Variants in PPM1G observed in about 807,000 individuals in gnomAD.
The protein encoded by PPM1G is protein phosphatase 1G.
PPM1G carries 12 observed loss-of-function variants against 59.4 expected under a neutral mutation model. The observed-to-expected ratio is 0.20, with a 90% CI of 0.13 to 0.33. PPM1G has a LOEUF of 0.33. PPM1G is among the 10% of genes least tolerant of loss of function. The pLI is 1.00. For synonymous variants in PPM1G, 245 were observed against 251.9 expected (o/e 0.97, Z 0.26); for missense variants, 392 against 681.3 (o/e 0.58, Z 4.73).
intron 2 of PPM1G, 193 bp from the exon 3 acceptor site, chr2:27,386,472 C>T (rs1167472002): frequency 2.0e-5 from 9 of 449,738 alleles, no homozygotes; most frequent in Non-Finnish European, 8.1e-6. Flanking sequence ...CATCAATTCT[C>T]TCGGGTATAA....
chr2:27,389,609 T>C (rs1683849035), intron 1 of PPM1G, among the ~76,000 whole-genome samples: 1 of 152,126 alleles, frequency 6.6e-6, no homozygotes, highest in Non-Finnish European at 1.5e-5. Context: ...CACCCAACCT[T>C]GTATAACCCC....
chr2:27,385,667 T>C lies in PPM1G; in HGVS notation c.409+80A>G. 3.3e-6 allele frequency: 5 copies of C among 1,532,282 alleles called. No homozygotes were observed. Among genetic ancestry groups the C allele is most frequent in the Non-Finnish European group, 4.4e-6 (5 of 1,141,786 alleles). 94.9% of individuals were successfully genotyped at this position (1,532,282 alleles called of 1,614,324 possible). A position where few individuals can be genotyped will look rare whatever the true frequency, so the allele number is the denominator to read the frequency against. ...TCCCCAGGTCCCTAGAAAGCCATCC[T>C]ATCTTAGAATTGATAAGTAATATTA... On this transcript the variant is annotated intron_variant, in intron 4 of 9. Coordinates refer to ENST00000344034, the MANE Select transcript of PPM1G (RefSeq NM_177983.3). The surrounding 1 kb of genome is among the most constrained non-coding windows in gnomAD (Gnocchi z 4.1).
intron 1 of PPM1G, among the ~76,000 whole-genome samples, chr2:27,389,904 G>A (rs1345951648): frequency 6.6e-6 from 1 of 152,178 alleles, no homozygotes; most frequent in African/African-American, 2.4e-5. Flanking sequence ...AGGAGGTGGA[G>A]GCTGCAGAAA....
At chr2:27,403,634 C>A (rs868264549) in intron 1 of PPM1G, among the ~76,000 whole-genome samples, 4 of 150,226 alleles carry the variant, frequency 2.7e-5, no homozygotes, top group Admixed American at 6.6e-5. Flanking sequence ...CGTCTGTAAT[C>A]CCAGCACTTT....
rs1558321992 is a variant in PPM1G at position 27,402,842 on chromosome 2, AAATAAATAAAT to A, written c.120+6450_120+6460del. Among the ~76,000 whole-genome samples the A allele has an allele frequency of 1.4e-3, 200 of 143,266 alleles. 3 individuals carry two copies. Among genetic ancestry groups the A allele is most frequent in the African/African-American group, 4.7e-3 (176 of 37,138 alleles). The allele number at this position is 143,266 out of a possible 152,430, so 94.0% of individuals were successfully genotyped here. A position where few individuals can be genotyped will look rare whatever the true frequency, so the allele number is the denominator to read the frequency against. On this transcript the variant is annotated intron_variant, in intron 1 of 9. Coordinates refer to ENST00000344034, the MANE Select transcript of PPM1G (RefSeq NM_177983.3). ...TAAATAAATAAATAAATAAATAAATAAATAAATAAATAAAATAAACATAAATAAAATTCCTC... is the reference window on the plus strand; with the variant it reads ...TAAATAAATAAATAAATAAATAAATAAAAATAAACATAAATAAAATTCCTC...
intron 1 of PPM1G, among the ~76,000 whole-genome samples, chr2:27,398,143 T>A (rs1288261697): frequency 6.6e-6 from 1 of 152,220 alleles, no homozygotes; most frequent in Non-Finnish European, 1.5e-5. Context: ...GATAGTGTAT[T>A]ACTGGCATAG....
chr2:27,402,320 C>A (rs1220080117), intron 1 of PPM1G, among the ~76,000 whole-genome samples: 2 of 152,136 alleles, frequency 1.3e-5, no homozygotes, highest in African/African-American at 2.4e-5. Flanking sequence ...CAAATTCAAG[C>A]CCTTACCTCT....
intron 1 of PPM1G, among the ~76,000 whole-genome samples, chr2:27,388,481 C>T (rs886528318): frequency 5.3e-5 from 8 of 152,028 alleles, no homozygotes; most frequent in East Asian, 1.9e-4. Flanking sequence ...ACAAATGGTA[C>T]GTAACTCCAG....
At chr2:27,408,283 C>G (rs2148429995) in intron 1 of PPM1G, among the ~76,000 whole-genome samples, 1 of 152,244 alleles carries the variant, frequency 6.6e-6, no homozygotes, top group East Asian at 1.9e-4. Flanking sequence ...TGAAGCCCAC[C>G]CGGTAGGTGG....
chr2:27,386,357 C>T lies in PPM1G; in HGVS notation c.191-78G>A, dbSNP rs1339425227. The stretch of plus-strand genomic sequence containing the variant: ...AGTGATACAATATTTATATGCCATA[C>T]TGGAGTGAACCCCAAGGGTTGAGGG... On this transcript the variant is annotated intron_variant, in intron 2 of 9. Coordinates refer to ENST00000344034, the MANE Select transcript of PPM1G (RefSeq NM_177983.3). The T allele has an allele frequency of 6.7e-6, 7 of 1,041,384 alleles. No individual in the cohort carries two copies. The African/African-American group carries it at 9.4e-5, about 14-fold the overall frequency. 64.5% of individuals were successfully genotyped at this position (1,041,384 alleles called of 1,614,324 possible). A position where few individuals can be genotyped will look rare whatever the true frequency, so the allele number is the denominator to read the frequency against.
chr2:27,394,052 G>A (rs914536145), intron 1 of PPM1G, among the ~76,000 whole-genome samples: 2 of 151,856 alleles, frequency 1.3e-5, no homozygotes, highest in Admixed American at 6.6e-5. Flanking sequence ...ATGAGCCACC[G>A]CGCCCGGCCT....
At chr2:27,402,662 A>G (rs889027446) in intron 1 of PPM1G, among the ~76,000 whole-genome samples, 4 of 151,972 alleles carry the variant, frequency 2.6e-5, no homozygotes, top group African/African-American at 9.7e-5. Context: ...ACAAAAAATT[A>G]GCCAGGCGTG....
At chr2:27,387,690 G>A (rs1683802866) in intron 1 of PPM1G, among the ~76,000 whole-genome samples, 1 of 152,092 alleles carries the variant, frequency 6.6e-6, no homozygotes, top group Admixed American at 6.6e-5. Context: ...TAGTAGAGAT[G>A]GGGTTTCACC....
At chr2:27,402,242 CTA>C (rs1684194969) in intron 1 of PPM1G, among the ~76,000 whole-genome samples, 1 of 152,142 alleles carries the variant, frequency 6.6e-6, no homozygotes, top group African/African-American at 2.4e-5. Flanking sequence ...AAGCTCAGTT[CTA>C]AAGATTTGTT....
rs183522787 is a variant in PPM1G, at chr2:27,391,740, T to C, written c.121-4582A>G. On this transcript the variant is annotated intron_variant, in intron 1 of 9. Coordinates refer to ENST00000344034, the MANE Select transcript of PPM1G (RefSeq NM_177983.3). Reference sequence around the variant, plus strand: ...CAGGATGTTCTTTTTTTCTTTCTTTTTTTTTTTTTTGAGACAGAGTCTAGC... The same window carrying C: ...CAGGATGTTCTTTTTTTCTTTCTTTCTTTTTTTTTTGAGACAGAGTCTAGC... Among the ~76,000 whole-genome samples the C allele has an allele frequency of 6.6e-4, 100 of 151,482 alleles. 2 individuals are homozygous for C. In the East Asian group the frequency reaches 0.018, roughly 28 times the overall value.
chr2:27,395,233 C>CAAAAAAA (rs775943242), intron 1 of PPM1G, among the ~76,000 whole-genome samples: 1 of 89,570 alleles, frequency 1.1e-5, no homozygotes, highest in Admixed American at 1.2e-4. Context: ...GACTCTGTCT[C>CAAAAAAA]AAAAAAAAAA....
intron 1 of PPM1G, among the ~76,000 whole-genome samples, chr2:27,390,772 T>G (rs767185760): frequency 9.9e-5 from 15 of 152,134 alleles, no homozygotes; most frequent in Non-Finnish European, 1.9e-4. Flanking sequence ...CTGGGTATAG[T>G]ATCAAATAGG....
rs1683762378 is a variant in PPM1G, at chr2:27,386,361, A to C, written c.191-82T>G. 2.9e-6 allele frequency: 3 copies of C among 1,018,588 alleles called. 1 individual carries two copies. Among genetic ancestry groups the C allele is most frequent in the South Asian group, 1.3e-5 (1 of 76,816 alleles). 63.1% of individuals were successfully genotyped at this position (1,018,588 alleles called of 1,614,324 possible). Reference sequence around the variant, plus strand: ...ATACAATATTTATATGCCATACTGGAGTGAACCCCAAGGGTTGAGGGGATA... The same window carrying C: ...ATACAATATTTATATGCCATACTGGCGTGAACCCCAAGGGTTGAGGGGATA... On this transcript the variant is annotated intron_variant, in intron 2 of 9. Transcript: ENST00000344034.
Position 27,409,460 on chromosome 2 carries a change from T to C in PPM1G, c.-38A>G. The stretch of plus-strand genomic sequence containing the variant: ...CCGGCGGCCTCAGGTGCAGGAAAGC[T>C]GGGCGCGACCCGTGCCGGAGCCGAA... On this transcript the variant is annotated 5_prime_UTR_variant, in exon 1 of 10. Coordinates refer to ENST00000344034, the MANE Select transcript of PPM1G (RefSeq NM_177983.3). The C allele has an allele frequency of 4.8e-6, 7 of 1,470,182 alleles. No homozygotes were observed. Among genetic ancestry groups the C allele is most frequent in the Non-Finnish European group, 6.3e-6 (7 of 1,112,600 alleles). The allele number at this position is 1,470,182 out of a possible 1,614,324, so 91.1% of individuals were successfully genotyped here. A position where few individuals can be genotyped will look rare whatever the true frequency, so the allele number is the denominator to read the frequency against.
Sources: gnomAD v4.1 joint callset for allele counts (sites outside exome capture counted in the v4.1 genomes callset) on GRCh38, gnomAD v4.1.1 for gene constraint, Gnocchi (gnomAD v3.1) non-coding constraint, MANE v1.5 for transcripts, NCBI Gene and HGNC (gene_info 2026-07-23, HGNC 2026-07-21) for gene names.